Variants in CTNNA3 observed in about 807,000 individuals in gnomAD.
CTNNA3 encodes catenin alpha 3, also known as catenin alpha-3.
CTNNA3 carries 76 observed loss-of-function variants against 95.7 expected under a neutral mutation model. The ratio of observed to expected loss-of-function variants is 0.79; its 90% confidence interval spans 0.66 to 0.96. The LOEUF is 0.96. Ranked by LOEUF, CTNNA3 falls within the 40% of genes least tolerant of loss-of-function variation. The pLI, the probability that CTNNA3 is intolerant of heterozygous loss-of-function variation, is 0.00. For synonymous variants in CTNNA3, 431 were observed against 374.4 expected (o/e 1.15, Z -1.74); for missense variants, 1,191 against 1,089.8 (o/e 1.09, Z -1.31).
At chr10:67,282,282 T>C (rs1649790600) in intron 5 of CTNNA3, among the ~76,000 whole-genome samples, 1 of 152,194 alleles carries the variant, frequency 6.6e-6, no homozygotes, top group Admixed American at 6.5e-5. Flanking sequence ...TACAAAAATG[T>C]TCCTAAGCCT....
intron 11 of CTNNA3, among the ~76,000 whole-genome samples, chr10:66,502,753 G>T (rs1840320287): frequency 6.6e-6 from 1 of 151,826 alleles, no homozygotes; most frequent in Non-Finnish European, 1.5e-5. Flanking sequence ...GATCATACTT[G>T]TACCGGGTTT....
intron 6 of CTNNA3, among the ~76,000 whole-genome samples, chr10:67,214,121 T>A (rs1161160365): frequency 4.0e-5 from 6 of 151,808 alleles, no homozygotes; most frequent in Admixed American, 3.9e-4. Flanking sequence ...CTTTTTACAT[T>A]TATTATGATT....
At chr10:67,445,041 T>G (rs1377432076) in intron 5 of CTNNA3, among the ~76,000 whole-genome samples, 2 of 151,912 alleles carry the variant, frequency 1.3e-5, no homozygotes, top group Non-Finnish European at 1.5e-5. Context: ...ATACCAATTC[T>G]GCTCAAACTA....
At chr10:66,937,542 G>C (rs1847777096) in intron 7 of CTNNA3, among the ~76,000 whole-genome samples, 1 of 152,024 alleles carries the variant, frequency 6.6e-6, no homozygotes, top group Non-Finnish European at 1.5e-5. Flanking sequence ...ACAGACTCCT[G>C]GTGGACTTTC....
intron 1 of CTNNA3, among the ~76,000 whole-genome samples, chr10:67,738,176 C>A (rs548463265): frequency 5.3e-5 from 8 of 152,258 alleles, no homozygotes; most frequent in Admixed American, 4.6e-4. Context: ...CCAGGAGGGG[C>A]CGAAAGACAC....
At chr10:67,668,343 TC>T (rs767501577) in intron 1 of CTNNA3, among the ~76,000 whole-genome samples, 1 of 152,062 alleles carries the variant, frequency 6.6e-6, no homozygotes, top group Non-Finnish European at 1.5e-5. Flanking sequence ...TAGGCAATAG[TC>T]CCCCCTTATA....
At chr10:66,155,307 T>A (rs1462818) in intron 13 of CTNNA3, among the ~76,000 whole-genome samples, 2 of 151,742 alleles carry the variant, frequency 1.3e-5, no homozygotes, top group Non-Finnish European at 2.9e-5. Context: ...GCCAAGTGAC[T>A]AAGACACTTG....
chr10:67,081,882 A>G lies in CTNNA3; in HGVS notation c.1047+98435T>C, dbSNP rs74710405. Among the ~76,000 whole-genome samples, 1,405 of 152,238 alleles carry G rather than the reference A, an allele frequency of 9.2e-3. 56 individuals carry two copies. The East Asian group carries it at 0.12, about 13-fold the overall frequency. On this transcript the variant is annotated intron_variant, in intron 7 of 17. Coordinates refer to ENST00000433211, the MANE Select transcript of CTNNA3 (RefSeq NM_013266.4). ...CTGGAGCCAGTATATAGCCCTGTTT[A>G]TTCACTAGTTTACTCACTAGTTATG...
At chr10:67,268,026 T>G (rs1443969479) in intron 5 of CTNNA3, among the ~76,000 whole-genome samples, 1 of 152,084 alleles carries the variant, frequency 6.6e-6, no homozygotes, top group African/African-American at 2.4e-5. Flanking sequence ...AAATTAAAAT[T>G]TTCTAAGAGA....
intron 3 of CTNNA3, among the ~76,000 whole-genome samples, chr10:67,576,114 G>C (rs1842135140): frequency 6.6e-6 from 1 of 152,160 alleles, no homozygotes; most frequent in Non-Finnish European, 1.5e-5. Flanking sequence ...TGATATGTGA[G>C]GAATCAGGGA....
At chr10:67,601,798 G>A (rs1843091614) in intron 3 of CTNNA3, among the ~76,000 whole-genome samples, 2 of 152,096 alleles carry the variant, frequency 1.3e-5, no homozygotes, top group Admixed American at 6.5e-5. Flanking sequence ...TACTTACAAT[G>A]TGAACCACCT....
At chr10:67,269,825 C>T (rs1168343941) in intron 5 of CTNNA3, among the ~76,000 whole-genome samples, 5 of 151,984 alleles carry the variant, frequency 3.3e-5, no homozygotes, top group Non-Finnish European at 5.9e-5. Flanking sequence ...GAGTGGATTT[C>T]AACTACTCTA....
intron 11 of CTNNA3, among the ~76,000 whole-genome samples, chr10:66,469,556 A>G (rs776921345): frequency 3.1e-4 from 47 of 152,038 alleles, no homozygotes; most frequent in African/African-American, 9.1e-4. Context: ...ATCTACTTAT[A>G]TTAAGCAGAG....
At chr10:67,026,281 G>GA (rs903466614) in intron 7 of CTNNA3, among the ~76,000 whole-genome samples, 1 of 151,676 alleles carries the variant, frequency 6.6e-6, no homozygotes, top group Non-Finnish European at 1.5e-5. Flanking sequence ...AAAAAAGAGA[G>GA]AAAAAAATAC....
chr10:67,524,597 C>G (rs1840087278), intron 4 of CTNNA3, among the ~76,000 whole-genome samples: 1 of 151,956 alleles, frequency 6.6e-6, no homozygotes, highest in Non-Finnish European at 1.5e-5. Flanking sequence ...GAATTATATC[C>G]TCCATTTATT....
chr10:66,857,855 G>A (rs1843740563), intron 7 of CTNNA3, among the ~76,000 whole-genome samples: 1 of 152,048 alleles, frequency 6.6e-6, no homozygotes, highest in Non-Finnish European at 1.5e-5. Context: ...TGCAAACAGG[G>A]ATAGTTGGAC....
chr10:67,129,106 C>T (rs999279375), intron 7 of CTNNA3, among the ~76,000 whole-genome samples: 2 of 152,146 alleles, frequency 1.3e-5, no homozygotes, highest in Admixed American at 6.6e-5. Context: ...CTATCTTCTT[C>T]GGACTGCCAC....
chr10:65,912,880 T>A lies in CTNNA3; in HGVS notation c.*7450A>T, dbSNP rs1369868099. ...ATATGGACCAGAAAGGCCTACAGTA[T>A]TTTTGCCAAATTTTATCTATAGCCA... On this transcript the variant is annotated 3_prime_UTR_variant, in exon 18 of 18. Transcript: ENST00000433211. The A allele has an allele frequency of 6.6e-6, 1 of 152,256 alleles. No homozygotes were observed. The highest frequency in any genetic ancestry group is 2.4e-5 in the African/African-American group (1 of 41,556). The allele number at this position is 152,256 out of a possible 1,614,324, so 9.4% of individuals were successfully genotyped here. A position where few individuals can be genotyped will look rare whatever the true frequency, so the allele number is the denominator to read the frequency against.
chr10:66,417,188 A>G (rs1050068066), intron 11 of CTNNA3, among the ~76,000 whole-genome samples: 1 of 152,044 alleles, frequency 6.6e-6, no homozygotes, highest in Middle Eastern at 3.2e-3. Context: ...GAGTAAATAA[A>G]TAGAAAAAGA....
Sources: allele counts gnomAD v4.1 joint callset (sites outside exome capture counted in the v4.1 genomes callset), GRCh38; gene constraint gnomAD v4.1.1; transcripts MANE v1.5; gene names NCBI Gene and HGNC (gene_info 2026-07-23, HGNC 2026-07-21).